Variants in ILK observed in about 807,000 individuals in gnomAD.
ILK encodes the protein scaffold protein ILK.
ILK carries 37 observed loss-of-function variants against 57.8 expected under a neutral mutation model. The ratio of observed to expected loss-of-function variants is 0.64; its 90% CI spans 0.49 to 0.84. ILK has a LOEUF of 0.84. Ranked by LOEUF, ILK falls within the 40% of genes least tolerant of loss-of-function variation. ILK has a pLI of 0.00. For missense variants in ILK, 528 were observed against 595.7 expected (o/e 0.89, Z 1.18); for synonymous variants, 231 against 202.2 (o/e 1.14, Z -1.21).
chr11:6,610,118 G>A (rs1412577284), intron 11 of ILK, 30 bp from the exon 12 acceptor site: 1 of 1,614,054 alleles, frequency 6.2e-7, no homozygotes, highest in Non-Finnish European at 8.5e-7. Context: ...CAGGCAAGGG[G>A]GCCAGAACAG....
intron 2 of ILK, chr11:6,604,659 A>AT: frequency 1.9e-6 from 1 of 526,290 alleles, no homozygotes; most frequent in African/African-American, 1.9e-5. Context: ...CTGGAGTTCC[A>AT]TATGGCTGGA....
At chr11:6,606,508 T>C (rs561459061) in intron 2 of ILK, 3 of 152,282 alleles carry the variant, frequency 2.0e-5, no homozygotes, top group African/African-American at 7.2e-5. Context: ...TACTGTTTTG[T>C]TGGTGAGGAA....
Position 6,604,301 on chromosome 11 carries a change from G to A in ILK, c.30G>A (p.Glu10=). 6.2e-7 allele frequency: 1 copy of A among 1,612,888 alleles called. No individual in the cohort carries two copies. The highest frequency in any genetic ancestry group is 1.1e-5 in the South Asian group (1 of 90,868). The change falls in exon 2 of 13, where the codon GAG becomes GAA. Residue 10 remains glutamate, a synonymous_variant. Transcript: ENST00000299421. MDDIFTQCR[E]GNAVAVRLWL... Reference sequence around the variant, plus strand: ...ACGACATTTTCACTCAGTGCCGGGAGGGCAACGCAGTCGCCGTTCGCCTGT... The same window carrying A: ...ACGACATTTTCACTCAGTGCCGGGAAGGCAACGCAGTCGCCGTTCGCCTGT...
intron 2 of ILK, chr11:6,604,787 G>C (rs772513903): frequency 4.3e-6 from 2 of 464,234 alleles, no homozygotes; most frequent in Admixed American, 2.3e-5. Flanking sequence ...GCTATAAGAA[G>C]GTCTTTATTT....
rs1407129349 is a variant in ILK, at chr11:6,608,216, G to A, written c.255+5G>A. On this transcript the variant is annotated splice_donor_5th_base_variant and intron_variant, in intron 3 of 12. Transcript: ENST00000299421. This position sits in a 1 kb window ranked among gnomAD's most constrained non-coding sequence, Gnocchi z 4.9. The stretch of plus-strand genomic sequence containing the variant: ...CACCGTGATATTGTACAGAAGGTAC[G>A]TACAAACTCCTTCGTCATCCACATC... 3 of 1,614,148 alleles carry A rather than the reference G, an allele frequency of 1.9e-6. No individual in the cohort carries two copies. The highest frequency in any genetic ancestry group is 2.5e-6 in the Non-Finnish European group (3 of 1,179,978).
Position 6,610,185 on chromosome 11 carries a change from A to G in ILK, c.1116A>G (p.Ser372=). 6.2e-7 allele frequency: 1 copy of G among 1,614,212 alleles called. No individual in the cohort carries two copies. Among genetic ancestry groups the G allele is most frequent in the South Asian group, 1.1e-5 (1 of 91,090 alleles). Residue 372 remains serine, a synonymous_variant, in exon 12 of 13, where the codon TCA becomes TCG. Coordinates refer to ENST00000299421, the MANE Select transcript of ILK (RefSeq NM_004517.4). ...QKKPEDTNRR[S]ADMWSFAVLL... ...AGCCTGAAGACACAAACAGACGCTC[A>G]GCAGACATGTGGAGTTTTGCAGTGC...
chr11:6,610,826 G>A lies in ILK; in HGVS notation c.*215G>A, dbSNP rs1262322708. On this transcript the variant is annotated 3_prime_UTR_variant, in exon 13 of 13. Coordinates refer to ENST00000299421, the MANE Select transcript of ILK (RefSeq NM_004517.4). The stretch of plus-strand genomic sequence containing the variant: ...CTTGCCACATGGTGTCTCCCAACAT[G>A]GGAGGGATCAGCCCCGCCTGTCACA... The A allele has an allele frequency of 6.8e-7, 1 of 1,463,856 alleles. No individual in the cohort carries two copies. Among genetic ancestry groups the A allele is most frequent in the African/African-American group, 1.4e-5 (1 of 71,852 alleles). The allele number at this position is 1,463,856 out of a possible 1,614,324, so 90.7% of individuals were successfully genotyped here.
chr11:6,604,857 G>A (rs1198801612), intron 2 of ILK: 5 of 456,618 alleles, frequency 1.1e-5, no homozygotes, highest in East Asian at 6.9e-5. Context: ...TTTCAGTATC[G>A]TCTTGGATGC....
At chr11:6,605,509 T>A (rs1490149281) in intron 2 of ILK, among the ~76,000 whole-genome samples, 1 of 133,246 alleles carries the variant, frequency 7.5e-6, no homozygotes, top group Non-Finnish European at 1.6e-5. Flanking sequence ...GAATTTACAG[T>A]TGGGTTTTTT....
At chr11:6,605,050 G>T (rs911767599) in intron 2 of ILK, 3 of 353,828 alleles carry the variant, frequency 8.5e-6, no homozygotes, top group Non-Finnish European at 1.1e-5. Flanking sequence ...CAGGGTTCTG[G>T]CTTGGGAACT....
chr11:6,609,913 T>C (rs916566282), intron 10 of ILK, 23 bp from the exon 11 acceptor site: 2 of 1,614,126 alleles, frequency 1.2e-6, no homozygotes, highest in Non-Finnish European at 1.7e-6. Context: ...CTTACCTCCT[T>C]CTATCTGTTT....
chr11:6,603,786 G>T lies in ILK; in HGVS notation c.-129G>T, dbSNP rs11607058. 36,538 of 368,476 alleles carry T rather than the reference G, an allele frequency of 0.099. 2,258 individuals carry two copies. Among genetic ancestry groups the T allele is most frequent in the South Asian group, 0.17 (3,269 of 19,418 alleles). 22.8% of individuals were successfully genotyped at this position (368,476 alleles called of 1,614,324 possible). On this transcript the variant is annotated 5_prime_UTR_variant, in exon 1 of 13. Coordinates refer to ENST00000299421, the MANE Select transcript of ILK (RefSeq NM_004517.4). ...GCGGGCTGCGGGCGCGGCCGGACGG[G>T]AGTTCCCCGGAGAAGGATCCTGCAG...
At position 6,608,071 on chromosome 11, in the gene ILK, C is replaced by G; in HGVS notation, c.115C>G (p.His39Asp). ...GGACGATCATGGCTTCTCCCCCTTG[C>G]ACTGGGCCTGCCGAGAGGGCCGCTC... is the stretch of plus-strand genomic sequence containing the variant. ...QGDDHGFSPL[H>D]WACREGRSAV... Residue 39 changes from histidine (H) to aspartate (D), a missense_variant, in exon 3 of 13, where the codon CAC becomes GAC. By Grantham distance (81) the His-to-Asp change is moderately conservative. Transcript: ENST00000299421. This position sits in a 1 kb window ranked among gnomAD's most constrained non-coding sequence, Gnocchi z 4.9. The G allele has an allele frequency of 6.2e-7, 1 of 1,614,108 alleles. No homozygotes were observed. The highest frequency in any genetic ancestry group is 8.5e-7 in the Non-Finnish European group (1 of 1,180,002).
Position 6,610,698 on chromosome 11 carries a change from C to T in ILK, c.*87C>T. 1.3e-6 allele frequency: 2 copies of T among 1,512,102 alleles called. No homozygotes were observed. The highest frequency in any genetic ancestry group is 9.1e-7 in the Non-Finnish European group (1 of 1,094,160). 93.7% of individuals were successfully genotyped at this position (1,512,102 alleles called of 1,614,324 possible). On this transcript the variant is annotated 3_prime_UTR_variant, in exon 13 of 13. Coordinates refer to ENST00000299421, the MANE Select transcript of ILK (RefSeq NM_004517.4). ...CCCAAAGCAGCAGGCCTCTGGTTGC[C>T]TCCCCCGCCTCCAGTCATGGTACTA...
At chr11:6,609,676 G>A (rs1437745777) in intron 9 of ILK, 37 bp downstream of exon 9, 3 of 1,614,168 alleles carry the variant, frequency 1.9e-6, no homozygotes, top group Admixed American at 1.7e-5. Context: ...GGGAGGAAAT[G>A]GCAGAGAGGG....
intron 8 of ILK, 42 bp downstream of exon 8, chr11:6,609,450 C>A (rs756407201): frequency 6.2e-7 from 1 of 1,613,812 alleles, no homozygotes; most frequent in Admixed American, 1.7e-5. Context: ...TTCCAAGGAA[C>A]CCTGAATAGC....
In ILK at chr11:6,608,635, G is replaced by GT. The variant is rs1197384257; in HGVS notation, c.352-57dup. The stretch of plus-strand genomic sequence containing the variant: ...TTCTACATTTGTGCATTCATGGTTG[G>GT]TTCAGTGACTGCCAGCGAGGTAGCA... On this transcript the variant is annotated intron_variant, in intron 4 of 12. Coordinates refer to ENST00000299421, the MANE Select transcript of ILK (RefSeq NM_004517.4). This position sits in a 1 kb window ranked among gnomAD's most constrained non-coding sequence, Gnocchi z 4.9. 4.5e-5 allele frequency: 65 copies of GT among 1,456,326 alleles called. No homozygotes were observed. The highest frequency in any genetic ancestry group is 5.8e-5 in the Non-Finnish European group (60 of 1,036,058). 90.2% of individuals were successfully genotyped at this position (1,456,326 alleles called of 1,614,324 possible). A position where few individuals can be genotyped will look rare whatever the true frequency, so the allele number is the denominator to read the frequency against.
Position 6,610,416 on chromosome 11 carries a change from A to G in ILK, c.1210-46A>G, listed in dbSNP as rs748797805. On this transcript the variant is annotated intron_variant, in intron 12 of 12. Transcript: ENST00000299421. The stretch of plus-strand genomic sequence containing the variant: ...CCAAGGGCCAGTGGCTTCTCTCTAC[A>G]TGACAGACTCAAATTGTGAGGCTGC... 1.3e-5 allele frequency: 21 copies of G among 1,613,982 alleles called. No individual in the cohort carries two copies. In the Admixed American group the frequency reaches 3.2e-4, roughly 24 times the overall value.
At chr11:6,606,289 C>CA (rs1854901941) in intron 2 of ILK, 1 of 152,216 alleles carries the variant, frequency 6.6e-6, no homozygotes, top group Non-Finnish European at 1.5e-5. Context: ...GATGGTGACT[C>CA]AGAGTGGCAA....
Sources: allele counts gnomAD v4.1 joint callset (sites outside exome capture counted in the v4.1 genomes callset), GRCh38; gene constraint gnomAD v4.1.1; non-coding constraint Gnocchi (gnomAD v3.1); transcripts MANE v1.5; gene names NCBI Gene and HGNC (gene_info 2026-07-23, HGNC 2026-07-21).